UNC79: variants seen among roughly 807,000 people sequenced by gnomAD.
UNC79 encodes unc-79 subunit of NALCN channel complex.
UNC79 carries 37 observed loss-of-function variants against 283.1 expected under a neutral mutation model. The observed-to-expected ratio is 0.13, with a 90% CI of 0.10 to 0.17. The LOEUF (loss-of-function observed/expected upper bound fraction) is 0.17. Among genes scored for constraint, UNC79 ranks in the 10% least tolerant of loss-of-function variants. The probability of loss-of-function intolerance (pLI) is 1.00; values close to 1 mark genes in which losing one functional copy is unlikely to be tolerated. For missense variants in UNC79, 2,272 were observed against 3,211.1 expected (o/e 0.71, Z 7.07); for synonymous variants, 1,107 against 1,200.2 (o/e 0.92, Z 1.61).
intron 1 of UNC79, among the ~76,000 whole-genome samples, chr14:93,420,462 A>G (rs573367649): frequency 6.6e-6 from 1 of 151,808 alleles, no homozygotes; most frequent in Non-Finnish European, 1.5e-5. Flanking sequence ...TATGAAGAAA[A>G]TATTATTAGA....
chr14:93,647,399 C>T (rs547326436), intron 35 of UNC79, among the ~76,000 whole-genome samples: 14 of 152,150 alleles, frequency 9.2e-5, no homozygotes, highest in African/African-American at 2.4e-4. Context: ...AGAGAGTGCC[C>T]GGAGCTGGTG....
chr14:93,619,679 C>T (rs1487854820), intron 29 of UNC79, among the ~76,000 whole-genome samples: 1 of 152,114 alleles, frequency 6.6e-6, no homozygotes, highest in Non-Finnish European at 1.5e-5. Flanking sequence ...TTTACTACTT[C>T]AAGTTTCATT....
chr14:93,578,969 T>A (rs540944941), intron 18 of UNC79, among the ~76,000 whole-genome samples: 14 of 152,322 alleles, frequency 9.2e-5, no homozygotes, highest in African/African-American at 1.4e-4. Context: ...GACTTTTTTT[T>A]AAAATTATTT....
At chr14:93,557,660 C>A (rs967267246) in intron 14 of UNC79, among the ~76,000 whole-genome samples, 1 of 151,832 alleles carries the variant, frequency 6.6e-6, no homozygotes, top group African/African-American at 2.4e-5. Flanking sequence ...AGAGAGTACC[C>A]CCATATGGTC....
intron 1 of UNC79, among the ~76,000 whole-genome samples, chr14:93,374,414 G>A (rs1330218476): frequency 6.6e-6 from 1 of 152,174 alleles, no homozygotes; most frequent in Non-Finnish European, 1.5e-5. Flanking sequence ...AAGGTTTAAT[G>A]TTTACCCTGC....
upstream of UNC79, among the ~76,000 whole-genome samples, chr14:93,428,837 A>G (rs956675542): frequency 2.0e-5 from 3 of 152,206 alleles, no homozygotes; most frequent in African/African-American, 7.2e-5. Flanking sequence ...AAGTTAAGTA[A>G]CTTGCACCAG....
intron 7 of UNC79, among the ~76,000 whole-genome samples, chr14:93,513,436 C>G (rs1179628226): frequency 6.6e-6 from 1 of 152,032 alleles, no homozygotes; most frequent in East Asian, 1.9e-4. Context: ...CCAAGCTGGT[C>G]TCAAAATCCT....
chr14:93,534,255 T>C (rs563324285), intron 11 of UNC79, among the ~76,000 whole-genome samples: 1 of 152,356 alleles, frequency 6.6e-6, no homozygotes, highest in South Asian at 2.1e-4. Context: ...CCTCCTGAGC[T>C]CTTGGCTCCA....
intron 1 of UNC79, chr14:93,347,364 G>GC (rs1056115147): frequency 6.4e-7 from 1 of 1,573,800 alleles, no homozygotes; most frequent in African/African-American, 1.4e-5. Flanking sequence ...CCCACTCGGG[G>GC]CCCCCGCGCC....
intron 47 of UNC79, among the ~76,000 whole-genome samples, chr14:93,703,615 G>T (rs1226215989): frequency 6.6e-6 from 1 of 152,170 alleles, no homozygotes; most frequent in Non-Finnish European, 1.5e-5. Flanking sequence ...TTGTGATGCA[G>T]TGCAGATTAG....
chr14:93,610,001 A>G (rs1462726387), intron 26 of UNC79, among the ~76,000 whole-genome samples: 3 of 152,234 alleles, frequency 2.0e-5, no homozygotes, highest in African/African-American at 7.2e-5. Context: ...CAGGGAAAGC[A>G]GCAAACTTAA....
At chr14:93,585,533 C>T (rs1452430770) in intron 20 of UNC79, among the ~76,000 whole-genome samples, 4 of 152,162 alleles carry the variant, frequency 2.6e-5, no homozygotes, top group Non-Finnish European at 4.4e-5. Flanking sequence ...TACATTCAGG[C>T]GGAAGATTCC....
rs8020413 is a variant in UNC79, at chr14:93,385,956, C to G, written c.-351+52433C>G. 4.1e-3 allele frequency among the ~76,000 whole-genome samples: 618 copies of G among 152,136 alleles called. 3 individuals are homozygous for G. The highest frequency in any genetic ancestry group is 0.014 in the African/African-American group (593 of 41,484). ...GACCTCTTCCTTTCCAACTTGGATG[C>G]CCTTTATTTCTTTCTCTTGTCTGAT... On this transcript the variant is annotated intron_variant, in intron 1 of 49. Coordinates refer to the UNC79 transcript ENST00000256339.
At chr14:93,548,867 C>T (rs926901706) in intron 14 of UNC79, among the ~76,000 whole-genome samples, 3 of 152,194 alleles carry the variant, frequency 2.0e-5, no homozygotes, top group Admixed American at 2.0e-4. Flanking sequence ...ATTTTCAACT[C>T]TTATTATCCT....
At chr14:93,493,896 TATA>T (rs1369301191) in intron 5 of UNC79, among the ~76,000 whole-genome samples, 158 of 42,798 alleles carry the variant, frequency 3.7e-3, no homozygotes, top group Non-Finnish European at 4.2e-3. Context: ...TATATATATA[TATA>T]TATTTTTTTT....
At chr14:93,662,957 G>A (rs1484687579) in intron 40 of UNC79, among the ~76,000 whole-genome samples, 1 of 151,904 alleles carries the variant, frequency 6.6e-6, no homozygotes, top group Non-Finnish European at 1.5e-5. Flanking sequence ...GAGAACTGAG[G>A]GTCATGTGGT....
At chr14:93,341,463 G>GA (rs945109031) in intron 1 of UNC79, among the ~76,000 whole-genome samples, 17 of 151,324 alleles carry the variant, frequency 1.1e-4, no homozygotes, top group African/African-American at 3.9e-4. Flanking sequence ...GTCTCAAAAA[G>GA]AAAAAAAATG....
chr14:93,592,159 T>A (rs1368821005), intron 22 of UNC79, among the ~76,000 whole-genome samples: 1 of 151,604 alleles, frequency 6.6e-6, no homozygotes, highest in Non-Finnish European at 1.5e-5. Flanking sequence ...ATACATTCAT[T>A]ACATAACTTT....
downstream of UNC79, chr14:93,707,055 G>A (rs868441418): frequency 2.2e-5 from 19 of 858,404 alleles, no homozygotes; most frequent in East Asian, 4.3e-4. Context: ...AGAGAGGGCC[G>A]AAAATGAAGC....
Sources: allele counts gnomAD v4.1 joint callset (sites outside exome capture counted in the v4.1 genomes callset), GRCh38; gene constraint gnomAD v4.1.1; transcripts MANE v1.5; gene names NCBI Gene and HGNC (gene_info 2026-07-23, HGNC 2026-07-21).